SPOCK3: variants seen among roughly 807,000 people sequenced by gnomAD.
SPOCK3 encodes SPARC (osteonectin), cwcv and kazal like domains proteoglycan 3, also known as testican-3.
In SPOCK3, 30 loss-of-function variants were observed where a neutral mutation model predicts 56.6. That is an observed-to-expected ratio of 0.53 (90% CI 0.40 to 0.72). The LOEUF is 0.72. SPOCK3 is among the 30% of genes least tolerant of loss of function. The pLI is 0.00. For synonymous variants in SPOCK3, 196 were observed against 183.3 expected (o/e 1.07, Z -0.56); for missense variants, 527 against 530.0 (o/e 0.99, Z 0.06).
At chr4:166,799,342 A>T (rs1470458598) in intron 6 of SPOCK3, among the ~76,000 whole-genome samples, 2 of 152,074 alleles carry the variant, frequency 1.3e-5, no homozygotes, top group Admixed American at 6.5e-5. Context: ...CAAAGTGAGG[A>T]TTTTTTCTTC....
intron 3 of SPOCK3, among the ~76,000 whole-genome samples, chr4:167,060,398 C>G (rs934276252): frequency 6.6e-5 from 10 of 151,696 alleles, no homozygotes; most frequent in Non-Finnish European, 1.5e-4. Flanking sequence ...TATCTCATGT[C>G]TTTTCTATGT....
chr4:167,194,179 A>G (rs1468819126), intron 2 of SPOCK3, among the ~76,000 whole-genome samples: 1 of 127,918 alleles, frequency 7.8e-6, no homozygotes, highest in Non-Finnish European at 1.6e-5. Context: ...TGCATTACTA[A>G]GGCAGGTTTT....
At chr4:166,843,509 C>T (rs896167645) in intron 6 of SPOCK3, among the ~76,000 whole-genome samples, 3 of 152,140 alleles carry the variant, frequency 2.0e-5, no homozygotes, top group African/African-American at 7.2e-5. Context: ...CAAGATACAG[C>T]AGCAAAAATT....
intron 3 of SPOCK3, among the ~76,000 whole-genome samples, chr4:167,022,487 A>G (rs1239187519): frequency 7.9e-5 from 12 of 152,014 alleles, no homozygotes; most frequent in Non-Finnish European, 1.6e-4. Context: ...GGAGAAGACA[A>G]ATACACTGAG....
intron 7 of SPOCK3, among the ~76,000 whole-genome samples, chr4:166,789,881 T>A (rs1343306063): frequency 6.6e-6 from 1 of 152,156 alleles, no homozygotes; most frequent in Non-Finnish European, 1.5e-5. Context: ...GCAATATCTA[T>A]TATCTTATGT....
chr4:167,046,479 A>G (rs1382406556), intron 3 of SPOCK3, among the ~76,000 whole-genome samples: 3 of 119,316 alleles, frequency 2.5e-5, no homozygotes, highest in Non-Finnish European at 5.2e-5. Flanking sequence ...TTTTTTTAAC[A>G]AAGTCTCACT....
At chr4:167,160,807 T>C (rs1339659412) in intron 2 of SPOCK3, among the ~76,000 whole-genome samples, 1 of 152,186 alleles carries the variant, frequency 6.6e-6, no homozygotes, top group Non-Finnish European at 1.5e-5. Flanking sequence ...CCCTATTTAA[T>C]AAATGGTGCT....
At chr4:167,234,218 CAAAT>C (rs1415593775) in intron 1 of SPOCK3, 45 bp from the exon 2 acceptor site, 4 of 1,567,768 alleles carry the variant, frequency 2.6e-6, no homozygotes, top group African/African-American at 2.7e-5. Context: ...ATGTCAGTGT[CAAAT>C]AAGGGGTACG....
intron 2 of SPOCK3, among the ~76,000 whole-genome samples, chr4:167,216,640 AAATTTTTTTTG>A (rs1735388790): frequency 6.6e-6 from 1 of 152,106 alleles, no homozygotes; most frequent in African/African-American, 2.4e-5. Context: ...AAGGTCATTT[AAATTTTTTTTG>A]CACAGCTTTA....
chr4:166,880,614 C>A (rs950695006), intron 6 of SPOCK3, among the ~76,000 whole-genome samples: 6 of 152,134 alleles, frequency 3.9e-5, no homozygotes, highest in African/African-American at 1.2e-4. Flanking sequence ...ACAACTTTCC[C>A]ATGTCGTTTG....
In SPOCK3 at chr4:166,792,183, C is replaced by T. The variant is rs573237939; in HGVS notation, c.696G>A (p.Arg232=). The change falls in exon 7 of 11, where the codon AGG becomes AGA. Residue 232 remains arginine, a synonymous_variant. Coordinates refer to ENST00000357545, the MANE Select transcript of SPOCK3 (RefSeq NM_001040159.2). ...TAGAAATCTTACTGCTTCTCTCAGG[C>T]CTCAGCAATGTTTTTGTCTTCTTGT... is the stretch of plus-strand genomic sequence containing the variant. ...SQNKKTKTLL[R]PERSRFDTSI... 188 of 1,613,804 alleles carry T rather than the reference C, an allele frequency of 1.2e-4. 2 individuals carry two copies. The South Asian group carries it at 2.0e-3, about 18-fold the overall frequency.
chr4:167,223,021 ATATAATATAT>A (rs1329642790), intron 2 of SPOCK3, among the ~76,000 whole-genome samples: 12 of 123,096 alleles, frequency 9.7e-5, no homozygotes, highest in Non-Finnish European at 1.4e-4. Context: ...ATATATGAAT[ATATAATATAT>A]TATATTTTAT....
At chr4:167,205,319 T>A in intron 2 of SPOCK3, among the ~76,000 whole-genome samples, 1 of 49,980 alleles carries the variant, frequency 2.0e-5, no homozygotes, top group East Asian at 6.5e-4. Flanking sequence ...ATATATTTTA[T>A]ATATATAATA....
chr4:167,184,353 T>G (rs2110786662), intron 2 of SPOCK3, among the ~76,000 whole-genome samples: 1 of 152,264 alleles, frequency 6.6e-6, no homozygotes, highest in South Asian at 2.1e-4. Context: ...TATGTATGTC[T>G]TAAATGCTCC....
chr4:166,936,361 C>T (rs1025593617), intron 4 of SPOCK3, among the ~76,000 whole-genome samples: 1 of 151,864 alleles, frequency 6.6e-6, no homozygotes, highest in Non-Finnish European at 1.5e-5. Flanking sequence ...AGTATGTATA[C>T]AATATTTGTT....
intron 8 of SPOCK3, among the ~76,000 whole-genome samples, chr4:166,753,700 A>G (rs1326365677): frequency 2.0e-5 from 3 of 152,084 alleles, no homozygotes; most frequent in African/African-American, 7.2e-5. Flanking sequence ...AGCATTGACA[A>G]CAGCAGGCTT....
At chr4:166,841,192 G>C (rs929456065) in intron 6 of SPOCK3, among the ~76,000 whole-genome samples, 1 of 152,112 alleles carries the variant, frequency 6.6e-6, no homozygotes, top group East Asian at 1.9e-4. Context: ...ACATAAACAC[G>C]CTAGAAACGT....
chr4:167,085,284 A>G (rs537299920), intron 2 of SPOCK3, among the ~76,000 whole-genome samples: 80 of 151,990 alleles, frequency 5.3e-4, no homozygotes, highest in African/African-American at 1.9e-3. Context: ...AAAAGAGAGA[A>G]AAAAAAATGC....
At chr4:167,229,000 G>C (rs1037881640) in intron 2 of SPOCK3, among the ~76,000 whole-genome samples, 4 of 152,120 alleles carry the variant, frequency 2.6e-5, no homozygotes, top group African/African-American at 9.7e-5. Context: ...AAACACTCAT[G>C]ATAATGCACT....
Sources: gnomAD v4.1 joint callset for allele counts (sites outside exome capture counted in the v4.1 genomes callset) on GRCh38, gnomAD v4.1.1 for gene constraint, MANE v1.5 for transcripts, NCBI Gene and HGNC (gene_info 2026-07-23, HGNC 2026-07-21) for gene names.